TANC2: variants seen among roughly 807,000 people sequenced by gnomAD.
The protein encoded by TANC2 is tetratricopeptide repeat, ankyrin repeat and coiled-coil containing 2.
Under a neutral mutation model 210.5 loss-of-function variants are expected in TANC2, and 26 were observed. The observed-to-expected ratio is 0.12, with a 90% CI of 0.09 to 0.17. The LOEUF is 0.17. Ranked by LOEUF, TANC2 falls within the 10% of genes least tolerant of loss-of-function variation. TANC2 has a pLI of 1.00. For missense variants in TANC2, 2,129 were observed against 2,608.9 expected, an observed-to-expected ratio of 0.82 and a Z score of 4.01; for synonymous variants, 931 against 967.1, an observed-to-expected ratio of 0.96 and a Z score of 0.69.
intron 7 of TANC2, among the ~76,000 whole-genome samples, chr17:63,217,915 GAATC>G (rs1316713531): frequency 6.6e-6 from 1 of 151,880 alleles, no homozygotes; most frequent in Non-Finnish European, 1.5e-5. Flanking sequence ...CTACATTCAC[GAATC>G]AATCAGTGTA....
chr17:63,302,263 G>T (rs2044743579), intron 9 of TANC2, among the ~76,000 whole-genome samples: 1 of 152,110 alleles, frequency 6.6e-6, no homozygotes, highest in Non-Finnish European at 1.5e-5. Flanking sequence ...GTTGATTTGG[G>T]GTGGAGAGTT....
intron 4 of TANC2, among the ~76,000 whole-genome samples, chr17:63,102,767 A>G (rs188383432): frequency 4.6e-5 from 7 of 152,296 alleles, no homozygotes; most frequent in South Asian, 4.1e-4. Flanking sequence ...AGAATGAAGT[A>G]TGAGGGACTA....
intron 2 of TANC2, among the ~76,000 whole-genome samples, chr17:63,059,166 T>C (rs1311486019): frequency 6.6e-6 from 1 of 152,144 alleles, no homozygotes; most frequent in East Asian, 1.9e-4. Context: ...GAGATCTGGG[T>C]CATTGGACCT....
At chr17:63,082,670 G>A (rs954627213) in intron 3 of TANC2, among the ~76,000 whole-genome samples, 9 of 152,148 alleles carry the variant, frequency 5.9e-5, no homozygotes, top group African/African-American at 1.7e-4. Flanking sequence ...CACATGTATG[G>A]ACTGTAGGGT....
chr17:63,148,092 C>G (rs2039523778), intron 4 of TANC2: 1 of 152,134 alleles, frequency 6.6e-6, no homozygotes, highest in Admixed American at 6.6e-5. Context: ...GAAACAAACA[C>G]AGAAAGGTTC....
chr17:63,420,463 A>G lies in TANC2; in HGVS notation c.4733A>G (p.Gln1578Arg). 1 of 1,613,962 alleles carries G rather than the reference A, an allele frequency of 6.2e-7. No homozygotes were observed. The highest frequency in any genetic ancestry group is 8.5e-7 in the Non-Finnish European group (1 of 1,179,880). The change falls in exon 28 of 28, where the codon CAG (glutamine) becomes CGG (arginine). Residue 1578 changes from glutamine (Q) to arginine (R), a missense_variant. Around this residue, in one of 5 missense-constraint regions of TANC2, gnomAD observed 584 missense variants for 627.3 expected, o/e 0.93. Coordinates refer to ENST00000689528, the Ensembl canonical transcript of TANC2. This position sits in a 1 kb window ranked among gnomAD's most constrained non-coding sequence, Gnocchi z 4.2. ...TCACCTGCCCTTTCTCCAACTCATC[A>G]GAACTCACATTACAGGCCTAGCCCA...
At chr17:63,408,793 G>A (rs545547573) in intron 21 of TANC2, among the ~76,000 whole-genome samples, 52 of 152,312 alleles carry the variant, frequency 3.4e-4, no homozygotes, top group Middle Eastern at 6.8e-3. Flanking sequence ...GCTGACATCC[G>A]AATCCTGTCC....
intron 9 of TANC2, among the ~76,000 whole-genome samples, chr17:63,308,743 G>A (rs964269890): frequency 2.0e-5 from 3 of 152,076 alleles, no homozygotes; most frequent in East Asian, 1.9e-4. Context: ...GTTGGATTTG[G>A]CAGTAGTTAT....
chr17:63,041,967 A>G (rs2035205672), intron 2 of TANC2, among the ~76,000 whole-genome samples: 1 of 152,208 alleles, frequency 6.6e-6, no homozygotes, highest in Non-Finnish European at 1.5e-5. Context: ...AAGTCAGAAC[A>G]GGTGGAAAAT....
chr17:63,351,435 T>G lies in TANC2; in HGVS notation c.1974+19T>G. On this transcript the variant is annotated intron_variant, in intron 13 of 27. Transcript: ENST00000689528. The stretch of plus-strand genomic sequence containing the variant: ...TTTACAGGTATGTGTTTGTTTGCTT[T>G]TAAACCATAAATGATTCCTCTTGGA... 1.3e-6 allele frequency: 2 copies of G among 1,556,666 alleles called. No homozygotes were observed. The highest frequency in any genetic ancestry group is 1.7e-6 in the Non-Finnish European group (2 of 1,157,876).
chr17:63,239,860 A>G (rs993493385), intron 8 of TANC2, among the ~76,000 whole-genome samples: 6 of 152,184 alleles, frequency 3.9e-5, no homozygotes, highest in East Asian at 1.9e-4. Context: ...AGAGCATTCA[A>G]TCATGGCAAA....
Position 63,319,109 on chromosome 17 carries a change from G to A in TANC2, c.1575+19G>A, listed in dbSNP as rs751147384. ...CTCGCAGGTACAATATGATTCCCAC[G>A]TTGGGGATATGGTAGTTCCATTTTA... On this transcript the variant is annotated intron_variant, in intron 11 of 27. Coordinates refer to ENST00000689528, the Ensembl canonical transcript of TANC2. 9 of 1,604,470 alleles carry A rather than the reference G, an allele frequency of 5.6e-6. No individual in the cohort carries two copies. Among genetic ancestry groups the A allele is most frequent in the Middle Eastern group, 1.7e-4 (1 of 5,960 alleles).
intron 9 of TANC2, among the ~76,000 whole-genome samples, chr17:63,276,807 CTT>C (rs780879231): frequency 6.6e-6 from 1 of 152,138 alleles, no homozygotes; most frequent in South Asian, 2.1e-4. Context: ...AGTTCTTACT[CTT>C]TGTGGGCACA....
At chr17:63,063,151 G>C (rs565081395) in intron 2 of TANC2, among the ~76,000 whole-genome samples, 24 of 152,272 alleles carry the variant, frequency 1.6e-4, no homozygotes, top group Middle Eastern at 3.4e-3. Flanking sequence ...TATGACTCAG[G>C]AACAGCCAGA....
At chr17:63,413,261 T>C (rs1370848360) in intron 24 of TANC2, 2 of 317,388 alleles carry the variant, frequency 6.3e-6, no homozygotes, top group Non-Finnish European at 1.1e-5. Context: ...AATTCCAAAC[T>C]GAGCCATTGC....
intron 1 of TANC2, among the ~76,000 whole-genome samples, chr17:62,973,433 T>C (rs1240027844): frequency 6.6e-6 from 1 of 152,224 alleles, no homozygotes; most frequent in East Asian, 1.9e-4. Flanking sequence ...GTATAGTTAG[T>C]ACATAGTAGG....
chr17:63,365,953 T>G (rs1483007167), intron 14 of TANC2, among the ~76,000 whole-genome samples: 1 of 152,154 alleles, frequency 6.6e-6, no homozygotes, highest in African/African-American at 2.4e-5. Context: ...TGTCCACTTT[T>G]CTGTCTAAAA....
At chr17:63,328,376 ATGTG>A (rs61546119) in intron 11 of TANC2, among the ~76,000 whole-genome samples, 2,400 of 147,012 alleles carry the variant, frequency 0.016, 44 homozygotes, top group African/African-American at 0.048. Flanking sequence ...GTATGTGTAT[ATGTG>A]TGTGTGTGTG....
intron 2 of TANC2, among the ~76,000 whole-genome samples, chr17:63,012,017 CTTT>C (rs559717868): frequency 7.4e-6 from 1 of 134,544 alleles, no homozygotes; most frequent in Non-Finnish European, 1.6e-5. Context: ...TTGATCAAAA[CTTT>C]TTTTTTTTTT....
Sources: allele counts gnomAD v4.1 joint callset (sites outside exome capture counted in the v4.1 genomes callset), GRCh38; gene constraint gnomAD v4.1.1; regional missense constraint gnomAD v4.1.1; non-coding constraint Gnocchi (gnomAD v3.1); transcripts MANE v1.5; gene names NCBI Gene and HGNC (gene_info 2026-07-23, HGNC 2026-07-21).